Variants in INPP4B observed in about 807,000 individuals in gnomAD.
INPP4B encodes the protein inositol polyphosphate-4-phosphatase type II B, also known as inositol polyphosphate 4-phosphatase type II.
INPP4B carries 55 observed loss-of-function variants against 122.5 expected under a neutral mutation model. The observed-to-expected ratio is 0.45, with a 90% CI of 0.36 to 0.56. INPP4B has a LOEUF of 0.56. Ranked by LOEUF, INPP4B falls within the 20% of genes least tolerant of loss-of-function variation. The pLI is 0.00. For synonymous variants in INPP4B, 403 were observed against 388.7 expected, an observed-to-expected ratio of 1.04 and a Z score of -0.43; for missense variants, 1,000 against 1,097.7, an observed-to-expected ratio of 0.91 and a Z score of 1.26.
intron 25 of INPP4B, among the ~76,000 whole-genome samples, chr4:142,062,660 T>TG (rs1302694862): frequency 6.6e-6 from 1 of 151,916 alleles, no homozygotes; most frequent in Non-Finnish European, 1.5e-5. Flanking sequence ...CACTTGAACC[T>TG]GGGAGGCGGA....
intron 7 of INPP4B, among the ~76,000 whole-genome samples, chr4:142,315,212 A>G (rs1767049356): frequency 7.7e-6 from 1 of 130,396 alleles, no homozygotes; most frequent in South Asian, 2.7e-4. Context: ...CAATGTCATT[A>G]TGTACCTCCT....
chr4:142,455,539 A>G (rs2149540374), intron 3 of INPP4B, among the ~76,000 whole-genome samples: 1 of 152,120 alleles, frequency 6.6e-6, no homozygotes, highest in African/African-American at 2.4e-5. Context: ...TATATGTACC[A>G]CATTTTCTTT....
chr4:142,595,021 T>A (rs1738398485), intron 2 of INPP4B, among the ~76,000 whole-genome samples: 1 of 151,644 alleles, frequency 6.6e-6, no homozygotes, highest in Non-Finnish European at 1.5e-5. Context: ...TCAAAGTTGC[T>A]TCATTTTTAT....
chr4:142,657,507 T>C (rs548138660), intron 2 of INPP4B, among the ~76,000 whole-genome samples: 2 of 152,320 alleles, frequency 1.3e-5, no homozygotes, highest in South Asian at 4.1e-4. Context: ...TAGGAGTTAA[T>C]TGAAACTACT....
intron 1 of INPP4B, among the ~76,000 whole-genome samples, chr4:142,821,740 G>A (rs1365629026): frequency 2.6e-5 from 4 of 152,108 alleles, no homozygotes; most frequent in African/African-American, 9.7e-5. Context: ...TCATAGAATT[G>A]TGGAGAGAAC....
intron 10 of INPP4B, among the ~76,000 whole-genome samples, chr4:142,266,531 T>C (rs1054420023): frequency 1.3e-5 from 2 of 152,110 alleles, no homozygotes; most frequent in African/African-American, 4.8e-5. Context: ...CATGCAGCAG[T>C]TTCCTGGGTA....
At chr4:142,667,245 A>C (rs1756246768) in intron 2 of INPP4B, among the ~76,000 whole-genome samples, 1 of 152,068 alleles carries the variant, frequency 6.6e-6, no homozygotes, top group South Asian at 2.1e-4. Flanking sequence ...TCCAGCCTTC[A>C]CATTTTAGTT....
chr4:142,388,104 C>A (rs756304970), intron 7 of INPP4B, among the ~76,000 whole-genome samples: 1 of 152,190 alleles, frequency 6.6e-6, no homozygotes, highest in African/African-American at 2.4e-5. Context: ...TCTAAAGATT[C>A]TAGATTTTAT....
At chr4:142,128,246 G>A (rs56024852) in intron 18 of INPP4B, among the ~76,000 whole-genome samples, 18,937 of 151,052 alleles carry the variant, frequency 0.13, 1,349 homozygotes, top group East Asian at 0.23. Context: ...ATATATATAC[G>A]TGTGTGCACA....
chr4:142,778,024 G>T (rs1479099048), intron 1 of INPP4B, among the ~76,000 whole-genome samples: 1 of 152,168 alleles, frequency 6.6e-6, no homozygotes, highest in Non-Finnish European at 1.5e-5. Flanking sequence ...GTGGCCTTGT[G>T]TAACTGCACA....
intron 17 of INPP4B, among the ~76,000 whole-genome samples, chr4:142,150,602 G>A (rs1313652531): frequency 2.0e-5 from 3 of 152,142 alleles, no homozygotes; most frequent in African/African-American, 7.2e-5. Flanking sequence ...GAGTCAGTGG[G>A]GAACCAGCAG....
At chr4:142,106,539 G>C (rs963427984) in intron 23 of INPP4B, among the ~76,000 whole-genome samples, 3 of 152,108 alleles carry the variant, frequency 2.0e-5, no homozygotes, top group Non-Finnish European at 1.5e-5. Context: ...TAAGTTACTT[G>C]AATATAGAAT....
intron 9 of INPP4B, among the ~76,000 whole-genome samples, chr4:142,298,699 A>AAAAG (rs1229301655): frequency 6.6e-6 from 1 of 151,030 alleles, no homozygotes; most frequent in African/African-American, 2.4e-5. Flanking sequence ...AAAAAAAAAA[A>AAAAG]AAAAAAAGAT....
chr4:142,566,051 C>T (rs369337324), intron 2 of INPP4B: 2 of 151,614 alleles, frequency 1.3e-5, no homozygotes, highest in African/African-American at 2.4e-5. Flanking sequence ...GACTTTACAA[C>T]GTACGTACAC....
intron 2 of INPP4B, among the ~76,000 whole-genome samples, chr4:142,478,894 CT>C (rs1820146060): frequency 1.3e-5 from 2 of 152,042 alleles, no homozygotes; most frequent in South Asian, 4.1e-4. Context: ...TATAAAAACC[CT>C]GGAGGATAAC....
intron 2 of INPP4B, among the ~76,000 whole-genome samples, chr4:142,707,140 C>T (rs191339881): frequency 3.9e-5 from 6 of 152,290 alleles, no homozygotes; most frequent in Admixed American, 6.5e-5. Flanking sequence ...CACTGTTATC[C>T]TCAACCACTC....
intron 2 of INPP4B, among the ~76,000 whole-genome samples, chr4:142,626,908 C>G (rs530574185): frequency 2.6e-5 from 4 of 152,118 alleles, no homozygotes; most frequent in Non-Finnish European, 4.4e-5. Context: ...TCCAAAAACA[C>G]CCATAAAGCT....
intron 12 of INPP4B, among the ~76,000 whole-genome samples, chr4:142,220,311 G>A (rs1036329415): frequency 2.0e-5 from 3 of 152,170 alleles, no homozygotes; most frequent in African/African-American, 7.2e-5. Flanking sequence ...GCTCAACAGA[G>A]CCGGTTGAAA....
At chr4:142,742,718 A>G (rs2150923167) in intron 1 of INPP4B, among the ~76,000 whole-genome samples, 1 of 152,156 alleles carries the variant, frequency 6.6e-6, no homozygotes, top group South Asian at 2.1e-4. Flanking sequence ...GAAAGAAAAG[A>G]ATCTCAGATA....
Sources: allele counts gnomAD v4.1 joint callset (sites outside exome capture counted in the v4.1 genomes callset), GRCh38; gene constraint gnomAD v4.1.1; transcripts MANE v1.5; gene names NCBI Gene and HGNC (gene_info 2026-07-23, HGNC 2026-07-21).